The following NEDD4L variants were observed in gnomAD, a reference collection of about 807,000 sequenced individuals.
The protein encoded by NEDD4L is NEDD4 like E3 ubiquitin protein ligase, also known as E3 ubiquitin-protein ligase NEDD4-like.
Under a neutral mutation model 148.9 loss-of-function variants are expected in NEDD4L, and 54 were observed. The ratio of observed to expected loss-of-function variants is 0.36; its 90% CI spans 0.29 to 0.45. NEDD4L has a LOEUF of 0.45. Among genes scored for constraint, NEDD4L ranks in the 20% least tolerant of loss-of-function variants. The pLI is 1.00. For missense variants in NEDD4L, 856 were observed against 1,233.8 expected (o/e 0.69, Z 4.59); for synonymous variants, 433 against 440.7 (o/e 0.98, Z 0.22).
rs147395030 is a variant in NEDD4L, at chr18:58,048,285, C to G, written c.48+3577C>G. 4.7e-3 allele frequency among the ~76,000 whole-genome samples: 719 copies of G among 152,358 alleles called. 10 individuals are homozygous for G. Among genetic ancestry groups the G allele is most frequent in the Middle Eastern group, 0.01 (3 of 294 alleles). On this transcript the variant is annotated intron_variant, in intron 1 of 30. Coordinates refer to ENST00000400345, the MANE Select transcript of NEDD4L (RefSeq NM_001144967.3). ...CTACTCATTTACATATAATTATCTA[C>G]TTCTTAATCAACCATTAAGGTTAAC...
chr18:58,082,079 AATATAT>A (rs72331379), intron 1 of NEDD4L, among the ~76,000 whole-genome samples: 8 of 89,948 alleles, frequency 8.9e-5, no homozygotes, highest in African/African-American at 4.0e-4. Flanking sequence ...CTTTCTGATG[AATATAT>A]ATATATATAT....
chr18:58,293,128 GA>G (rs1471946992), intron 5 of NEDD4L, among the ~76,000 whole-genome samples: 1 of 152,206 alleles, frequency 6.6e-6, no homozygotes, highest in African/African-American at 2.4e-5. Flanking sequence ...AATACAAGAG[GA>G]AACTTGTATA....
At chr18:58,145,543 T>C (rs1401838362) in intron 1 of NEDD4L, among the ~76,000 whole-genome samples, 2 of 152,206 alleles carry the variant, frequency 1.3e-5, no homozygotes, top group Admixed American at 1.3e-4. Context: ...TTACCCTAGC[T>C]GATTGACAGT....
chr18:58,085,637 G>GA (rs113610905), intron 1 of NEDD4L, among the ~76,000 whole-genome samples: 3,336 of 152,270 alleles, frequency 0.022, 110 homozygotes, highest in African/African-American at 0.076. Flanking sequence ...GTGAAATGGG[G>GA]AATTAGGTAA....
chr18:58,132,731 T>C (rs1216180169), intron 1 of NEDD4L, among the ~76,000 whole-genome samples: 1 of 152,266 alleles, frequency 6.6e-6, no homozygotes, highest in Non-Finnish European at 1.5e-5. Flanking sequence ...CTGAGGACTT[T>C]GAACTGAGCA....
chr18:58,210,224 A>C (rs2042461701), intron 2 of NEDD4L, among the ~76,000 whole-genome samples: 3 of 152,208 alleles, frequency 2.0e-5, no homozygotes, highest in Non-Finnish European at 4.4e-5. Context: ...AAGGAGACAC[A>C]GGAGATATCA....
chr18:58,187,867 G>A (rs2039645323), intron 2 of NEDD4L, among the ~76,000 whole-genome samples: 1 of 152,072 alleles, frequency 6.6e-6, no homozygotes, highest in Non-Finnish European at 1.5e-5. Context: ...TCAAGGGAGA[G>A]AGAATATGAA....
At chr18:58,357,531 A>G in intron 19 of NEDD4L, 1 of 600,706 alleles carries the variant, frequency 1.7e-6, no homozygotes, top group East Asian at 3.6e-5. Context: ...GACTATAAGT[A>G]TAGTCAAAAT....
At chr18:58,045,144 G>T in intron 1 of NEDD4L, 1 of 399,160 alleles carries the variant, frequency 2.5e-6, no homozygotes, top group East Asian at 3.6e-5. Flanking sequence ...AAGCCGGATC[G>T]TTTCCCCCTG....
rs775511794 is a variant in NEDD4L at position 58,341,015 on chromosome 18, A to G, written c.1126-23A>G. ...GAAAACAAATGCAAGGTATTAAATA[A>G]TAATGATTTCTTGCACAAACAGCCA... On this transcript the variant is annotated intron_variant, in intron 13 of 30. Transcript: ENST00000400345. 9.4e-6 allele frequency: 15 copies of G among 1,597,828 alleles called. No homozygotes were observed. In the East Asian group the frequency reaches 3.2e-4, roughly 34 times the overall value.
At chr18:58,218,541 G>A (rs974000431) in intron 2 of NEDD4L, among the ~76,000 whole-genome samples, 4 of 152,312 alleles carry the variant, frequency 2.6e-5, no homozygotes, top group Admixed American at 2.0e-4. Context: ...CTTGTTGGTC[G>A]TTGAGGGCTG....
intron 2 of NEDD4L, chr18:58,195,447 G>A (rs555564952): frequency 3.0e-6 from 4 of 1,321,502 alleles, no homozygotes; most frequent in African/African-American, 3.0e-5. Context: ...AGGCATCCGC[G>A]GCAGCAGCTT....
chr18:58,122,805 G>A (rs1006636352), intron 1 of NEDD4L, among the ~76,000 whole-genome samples: 24 of 151,400 alleles, frequency 1.6e-4, no homozygotes, highest in Non-Finnish European at 2.9e-4. Flanking sequence ...GCATGATCTC[G>A]GCTCACTGCA....
chr18:58,226,907 TA>T (rs1055435883), intron 2 of NEDD4L, among the ~76,000 whole-genome samples: 44 of 147,242 alleles, frequency 3.0e-4, no homozygotes, highest in Admixed American at 1.0e-3. Context: ...AGCCATCCGT[TA>T]AAAAAAAAAA....
intron 5 of NEDD4L, among the ~76,000 whole-genome samples, chr18:58,282,237 A>G (rs554611617): frequency 2.7e-4 from 41 of 151,556 alleles, no homozygotes; most frequent in Non-Finnish European, 4.7e-4. Flanking sequence ...AACCAGTAGC[A>G]TTTTCTAATT....
At chr18:58,389,001 C>G in intron 27 of NEDD4L, 84 bp from the exon 28 acceptor site, 1 of 1,066,118 alleles carries the variant, frequency 9.4e-7, no homozygotes, top group Non-Finnish European at 1.4e-6. Context: ...TGACCACATG[C>G]TGGCACTGAG....
At chr18:58,349,494 T>C in intron 16 of NEDD4L, 43 bp from the exon 17 acceptor site, 1 of 1,522,674 alleles carries the variant, frequency 6.6e-7, no homozygotes, top group East Asian at 2.2e-5. Context: ...TGCACACAGA[T>C]ACTTCCACTT....
Position 58,169,415 on chromosome 18 carries a change from C to T in NEDD4L, c.122+3554C>T, listed in dbSNP as rs560897245. The stretch of plus-strand genomic sequence containing the variant: ...GGGACGCTTTTGTCTGGAATGAATG[C>T]GACATTGAATGGGACGTCCGGACAT... On this transcript the variant is annotated intron_variant, in intron 2 of 30. Transcript: ENST00000400345. Among the ~76,000 whole-genome samples, 10 of 152,082 alleles carry T rather than the reference C, an allele frequency of 6.6e-5. No homozygotes were observed. In the South Asian group the frequency reaches 1.2e-3, roughly 19 times the overall value.
chr18:58,082,102 A>ATTTTTTTTTTTTTTTTTTTTTTT (rs1192932128), intron 1 of NEDD4L, among the ~76,000 whole-genome samples: 3 of 48,832 alleles, frequency 6.1e-5, no homozygotes, highest in Non-Finnish European at 9.4e-5. Flanking sequence ...ATATATATAT[A>ATTTTTTTTTTTTTTTTTTTTTTT]TTTTTTTTTT....
Sources: allele counts gnomAD v4.1 joint callset (sites outside exome capture counted in the v4.1 genomes callset), GRCh38; gene constraint gnomAD v4.1.1; transcripts MANE v1.5; gene names NCBI Gene and HGNC (gene_info 2026-07-23, HGNC 2026-07-21).